Variants in STK3 observed in about 807,000 individuals in gnomAD.
STK3 encodes the protein serine/threonine kinase 3, also known as serine/threonine-protein kinase 3.
Under a neutral mutation model 58.0 loss-of-function variants are expected in STK3, and 41 were observed. That is an observed-to-expected ratio of 0.71 (90% CI 0.55 to 0.92). The LOEUF (loss-of-function observed/expected upper bound fraction) is 0.92. Ranked by LOEUF, STK3 falls within the 40% of genes least tolerant of loss-of-function variation. STK3 has a pLI of 0.00. For synonymous variants in STK3, 170 were observed against 191.0 expected (o/e 0.89, Z 0.91); for missense variants, 479 against 602.7 (o/e 0.79, Z 2.15).
At chr8:98,769,388 G>T (rs1426226945) in intron 2 of STK3, among the ~76,000 whole-genome samples, 1 of 152,140 alleles carries the variant, frequency 6.6e-6, no homozygotes, top group African/African-American at 2.4e-5. Flanking sequence ...CACAAGATCT[G>T]ATGGTTTTAA....
chr8:98,749,194 G>T, intron 4 of STK3, 82 bp downstream of exon 4: 3 of 1,050,114 alleles, frequency 2.9e-6, no homozygotes, highest in South Asian at 1.5e-5. Flanking sequence ...ATTATTTTCT[G>T]TGTAACAAAA....
chr8:98,705,312 C>A (rs1284672134), intron 6 of STK3, among the ~76,000 whole-genome samples: 1 of 151,804 alleles, frequency 6.6e-6, no homozygotes, highest in Non-Finnish European at 1.5e-5. Context: ...ACTCTGCAGG[C>A]TGAGGTGGGA....
intron 6 of STK3, among the ~76,000 whole-genome samples, chr8:98,703,906 C>A (rs556881785): frequency 9.9e-5 from 15 of 152,188 alleles, no homozygotes; most frequent in African/African-American, 3.4e-4. Flanking sequence ...ATACCCCCCA[C>A]AAAACTACTG....
intron 10 of STK3, among the ~76,000 whole-genome samples, chr8:98,509,924 A>G (rs1400343614): frequency 6.6e-6 from 1 of 152,052 alleles, no homozygotes; most frequent in Non-Finnish European, 1.5e-5. Flanking sequence ...ACATTTATTC[A>G]AATCACTTCT....
chr8:98,765,955 G>A (rs1447259539), intron 3 of STK3, among the ~76,000 whole-genome samples: 1 of 152,146 alleles, frequency 6.6e-6, no homozygotes, highest in Non-Finnish European at 1.5e-5. Flanking sequence ...ATTTCATTCT[G>A]TTCTCTGTCC....
At chr8:98,869,063 GAAGGAAGGAAGGAAGGAAGGAGAGAA>G (rs1408198278) in intron 3 of STK3, among the ~76,000 whole-genome samples, 58 of 150,128 alleles carry the variant, frequency 3.9e-4, no homozygotes, top group African/African-American at 1.3e-3. Flanking sequence ...AGGAAGGAAG[GAAGGAAGGAAGGAAGGAAGGAGAGAA>G]AGAGAAAATA....
intron 3 of STK3, among the ~76,000 whole-genome samples, chr8:98,760,776 T>C (rs941333418): frequency 6.6e-6 from 1 of 151,604 alleles, no homozygotes; most frequent in Non-Finnish European, 1.5e-5. Flanking sequence ...GATCACATCC[T>C]TTCCATTTCC....
chr8:98,391,874 C>T (rs1817850984), upstream of STK3, among the ~76,000 whole-genome samples: 1 of 152,144 alleles, frequency 6.6e-6, no homozygotes, highest in African/African-American at 2.4e-5. Flanking sequence ...AACTCAAAGT[C>T]AGGTAAAGGT....
chr8:98,582,344 T>A (rs560404690), intron 7 of STK3, among the ~76,000 whole-genome samples: 1 of 151,892 alleles, frequency 6.6e-6, no homozygotes, highest in East Asian at 1.9e-4. Flanking sequence ...ATATATATAT[T>A]TTTTAGTTTC....
chr8:98,355,070 C>T, the STK3 span, among the ~76,000 whole-genome samples: 8 of 152,262 alleles, frequency 5.3e-5, no homozygotes, highest in East Asian at 7.7e-4. Flanking sequence ...CATGAGCCAC[C>T]GCAACCTGCC....
At chr8:98,789,986 C>A (rs1275844330) in intron 1 of STK3, among the ~76,000 whole-genome samples, 3 of 148,070 alleles carry the variant, frequency 2.0e-5, no homozygotes, top group African/African-American at 5.0e-5. Context: ...CGAAATCGCG[C>A]CATTGCACTC....
rs775120309 is a variant in STK3, at chr8:98,526,841, A to G, written c.1218T>C (p.Ser406=). The G allele has an allele frequency of 6.9e-6, 11 of 1,599,220 alleles. No individual in the cohort carries two copies. The South Asian group carries it at 1.1e-4, about 16-fold the overall frequency. ...YFDKQDFKNK[S]HENCNQNMHE... is the part of the protein sequence containing the mutation. ...GCATGTTCTGATTACAGTTTTCGTGACTCTTATTCTTGAAGTCTTGCTTAT... is the reference window on the plus strand; with the variant it reads ...GCATGTTCTGATTACAGTTTTCGTGGCTCTTATTCTTGAAGTCTTGCTTAT... The change falls in exon 10 of 11, where the codon AGT becomes AGC. Residue 406 remains serine, a synonymous_variant. Transcript: ENST00000419617.
At chr8:98,357,309 G>A in the STK3 span, among the ~76,000 whole-genome samples, 33 of 152,144 alleles carry the variant, frequency 2.2e-4, no homozygotes. Flanking sequence ...GTAAAACCAG[G>A]ATGCTGGCCT....
the STK3 span, among the ~76,000 whole-genome samples, chr8:98,346,968 T>C: frequency 2.0e-5 from 3 of 151,794 alleles, no homozygotes; most frequent in Admixed American, 1.3e-4. Context: ...AAAATAATAA[T>C]AATGTATTGT....
intron 8 of STK3, among the ~76,000 whole-genome samples, chr8:98,575,246 G>C (rs1185257496): frequency 1.3e-5 from 2 of 152,046 alleles, no homozygotes; most frequent in African/African-American, 4.8e-5. Flanking sequence ...GTCTGAGCCA[G>C]TTTTAAAACA....
intron 6 of STK3, among the ~76,000 whole-genome samples, chr8:98,607,838 C>T (rs28784957): frequency 0.012 from 1,837 of 152,260 alleles, 37 homozygotes; most frequent in African/African-American, 0.041. Context: ...AAAATTTAAG[C>T]TTTCAGTTGA....
At position 98,738,948 on chromosome 8, in the gene STK3, C is replaced by A. The variant is rs759053357; in HGVS notation, c.351+10328G>T. 1.1e-3 allele frequency among the ~76,000 whole-genome samples: 171 copies of A among 152,370 alleles called. 1 individual carries two copies. Among genetic ancestry groups the A allele is most frequent in the African/African-American group, 2.2e-3 (90 of 41,592 alleles). On this transcript the variant is annotated intron_variant, in intron 4 of 10. Transcript: ENST00000419617. Reference sequence around the variant, plus strand: ...TTCACCAGGAGATTATATCCCACACCTGGCTCGGAGGGTCCTACGCCCAAG... The same window carrying A: ...TTCACCAGGAGATTATATCCCACACATGGCTCGGAGGGTCCTACGCCCAAG...
chr8:98,562,790 T>C (rs953829018), intron 8 of STK3, among the ~76,000 whole-genome samples: 1 of 135,176 alleles, frequency 7.4e-6, no homozygotes, highest in Non-Finnish European at 1.5e-5. Flanking sequence ...TGCATGCCTG[T>C]AGTCCCAGCT....
chr8:98,538,220 G>T (rs904082463), intron 9 of STK3, among the ~76,000 whole-genome samples: 64 of 152,134 alleles, frequency 4.2e-4, no homozygotes, highest in Admixed American at 2.0e-3. Context: ...AATGGCCTTC[G>T]AAATGTGTCC....
Sources: gnomAD v4.1 joint callset for allele counts (sites outside exome capture counted in the v4.1 genomes callset) on GRCh38, gnomAD v4.1.1 for gene constraint, MANE v1.5 for transcripts, NCBI Gene and HGNC (gene_info 2026-07-23, HGNC 2026-07-21) for gene names.